The following TYSND1 variants were observed in gnomAD, a reference collection of about 807,000 sequenced individuals.
TYSND1 encodes the protein peroxisomal leader peptide-processing protease.
A neutral mutation model predicts 37.2 loss-of-function variants in TYSND1; 30 were observed. The ratio of observed to expected loss-of-function variants is 0.81; its 90% confidence interval spans 0.60 to 1.09. TYSND1 has a LOEUF of 1.09. TYSND1 is among the 50% of genes least tolerant of loss of function. TYSND1 has a pLI of 0.00. For missense variants in TYSND1, 806 were observed against 817.4 expected (o/e 0.99, Z 0.17); for synonymous variants, 364 against 383.8 (o/e 0.95, Z 0.60).
At chr10:70,142,880 C>T in intron 2 of TYSND1, 27 bp from the exon 3 acceptor site, 1 of 1,608,746 alleles carries the variant, frequency 6.2e-7, no homozygotes, top group Non-Finnish European at 8.5e-7. Context: ...GAGGGTGAAG[C>T]TGGGGACACC....
intron 1 of TYSND1, chr10:70,144,517 GGC>G: frequency 2.0e-6 from 2 of 987,768 alleles, no homozygotes; most frequent in South Asian, 9.3e-5. Flanking sequence ...CGACGTGACA[GGC>G]TCCGTTCCAC....
At chr10:70,145,146 CT>C (rs1589865927) in intron 1 of TYSND1, among the ~76,000 whole-genome samples, 1 of 152,142 alleles carries the variant, frequency 6.6e-6, no homozygotes, top group African/African-American at 2.4e-5. Context: ...GAAACTCAGC[CT>C]TTGAGGGGAG....
chr10:70,146,456 C>G lies in TYSND1; in HGVS notation c.131G>C (p.Gly44Ala). ...CSGVILSRSP[G>A]LVLCHGGIFV... ...GATGCCCCCGTGGCAAAGCACCAGGCCCGGGCTACGGCTCAGGATTACCCC... is the reference window on the plus strand; with the variant it reads ...GATGCCCCCGTGGCAAAGCACCAGGGCCGGGCTACGGCTCAGGATTACCCC... Residue 44 changes from glycine (G) to alanine (A), a missense_variant, in exon 1 of 4, where the codon GGC becomes GCC. By Grantham distance (60) the Gly-to-Ala change is moderately conservative (BLOSUM62 0). Around this residue, in one of 3 missense-constraint regions of TYSND1, gnomAD observed 84 missense variants for 79.0 expected, o/e 1.06. Coordinates refer to ENST00000287078, the MANE Select transcript of TYSND1 (RefSeq NM_173555.4). 1.9e-6 allele frequency: 3 copies of G among 1,603,948 alleles called. No individual in the cohort carries two copies. The highest frequency in any genetic ancestry group is 2.5e-6 in the Non-Finnish European group (3 of 1,178,752).
At chr10:70,140,298 CT>C (rs1489781026) in intron 3 of TYSND1, among the ~76,000 whole-genome samples, 157 bp from the exon 4 acceptor site, 2 of 152,188 alleles carry the variant, frequency 1.3e-5, no homozygotes, top group East Asian at 3.8e-4. Context: ...ACATGAACAC[CT>C]GCTGCCCACA....
chr10:70,145,644 G>T lies in TYSND1; in HGVS notation c.943C>A (p.His315Asn). The T allele has an allele frequency of 7.1e-7, 1 of 1,404,270 alleles. No homozygotes were observed. Among genetic ancestry groups the T allele is most frequent in the Admixed American group, 3.4e-5 (1 of 29,142 alleles). 87.0% of individuals were successfully genotyped at this position (1,404,270 alleles called of 1,614,324 possible). The change falls in exon 1 of 4, where the codon CAC becomes AAC. Residue 315 changes from histidine (H) to asparagine (N), a missense_variant. His to Asn is a moderately conservative substitution (Grantham distance 68, BLOSUM62 1). This residue lies in a region of TYSND1 where 708 missense variants were observed against 705.4 expected (regional missense o/e 1.00). Transcript: ENST00000287078. The stretch of plus-strand genomic sequence containing the variant: ...AGGGCGGCCAGGGCAGCGGTGCTGT[G>T]CGGCAGGCGGTGAAGCGCGTCGCGG... ...AARDALHRLP[H>N]STAALAALLP...
At chr10:70,144,704 C>A in intron 1 of TYSND1, 1 of 985,770 alleles carries the variant, frequency 1.0e-6, no homozygotes, top group Non-Finnish European at 1.2e-6. Flanking sequence ...GGGGGCCACA[C>A]ACCATAGGCA....
rs764220845 is a variant in TYSND1, at chr10:70,145,416, C to G, written c.1166+5G>C. On this transcript the variant is annotated splice_donor_5th_base_variant and intron_variant, in intron 1 of 3. Transcript: ENST00000287078. ...GATGAAGTGGCGTCAGCCCTGCGGG[C>G]TTACTTGGGGGTGGTGGAGCGCACC... 16 of 1,419,478 alleles carry G rather than the reference C, an allele frequency of 1.1e-5. No individual in the cohort carries two copies. Among genetic ancestry groups the G allele is most frequent in the Non-Finnish European group, 1.1e-5 (12 of 1,085,088 alleles). 87.9% of individuals were successfully genotyped at this position (1,419,478 alleles called of 1,614,324 possible).
intron 1 of TYSND1, 104 bp downstream of exon 1, chr10:70,145,317 C>T: frequency 9.0e-7 from 1 of 1,116,570 alleles, no homozygotes; most frequent in South Asian, 3.3e-5. Context: ...CCCAAAGCAT[C>T]CGCGTGACAC....
chr10:70,146,117 TC>T lies in TYSND1; in HGVS notation c.469del (p.Glu157AsnfsTer23), dbSNP rs771873606. The T allele has an allele frequency of 1.3e-6, 2 of 1,563,402 alleles. No homozygotes were observed. The highest frequency in any genetic ancestry group is 2.7e-5 in the African/African-American group (2 of 73,378). On this transcript the variant is annotated frameshift_variant, in exon 1 of 4. Transcript: ENST00000287078. LOFTEE classifies it high-confidence loss of function. ...FARLFGDEAAEQWRFSSAARD... is the reference protein window; with the variant it reads ...FARLFGDEAAXQWRFSSAARD... ...CGCCGCGCTCGAGAAGCGCCACTGT[TC>T]CGCTGCCTCGTCCCCGAAGAGGCGC...
Position 70,146,518 on chromosome 10 carries a change from C to A in TYSND1, c.69G>T (p.Arg23=), listed in dbSNP as rs1210706192. The A allele has an allele frequency of 3.1e-6, 5 of 1,588,480 alleles. No individual in the cohort carries two copies. The highest frequency in any genetic ancestry group is 4.3e-6 in the Non-Finnish European group (5 of 1,174,432). ...EQAGCMVSAS[R]AGQPEAGPWS... is the part of the protein sequence containing the mutation. ...ACGGGCCCGCCTCGGGCTGTCCGGC[C>A]CGGGAGGCGCTCACCATGCAGCCCG... The change falls in exon 1 of 4, where the codon CGG becomes CGT. Residue 23 remains arginine, a synonymous_variant. Coordinates refer to ENST00000287078, the MANE Select transcript of TYSND1 (RefSeq NM_173555.4).
chr10:70,145,909 G>T lies in TYSND1; in HGVS notation c.678C>A (p.Phe226Leu). ...GAAAGATGTCGGGGCAGAAGGCGCC[G>T]AAAGGGGAGCCGCAGACCAGCAATG... ...GAPLLVCGSP[F>L]GAFCPDIFLN... The change falls in exon 1 of 4, where the codon TTC (phenylalanine) becomes TTA (leucine). Residue 226 changes from phenylalanine (F) to leucine (L), a missense_variant. By Grantham distance (22) the Phe-to-Leu change is conservative (BLOSUM62 0). Around this residue, in one of 3 missense-constraint regions of TYSND1, gnomAD observed 708 missense variants for 705.4 expected, o/e 1.00. Transcript: ENST00000287078. 1 of 1,549,192 alleles carries T rather than the reference G, an allele frequency of 6.5e-7. No homozygotes were observed. Among genetic ancestry groups the T allele is most frequent in the Admixed American group, 2.0e-5 (1 of 51,034 alleles).
At chr10:70,143,777 C>A in intron 2 of TYSND1, 65 bp downstream of exon 2, 2 of 1,592,074 alleles carry the variant, frequency 1.3e-6, no homozygotes, top group South Asian at 2.3e-5. Flanking sequence ...AACACTGATT[C>A]TCCTTCCTGA....
intron 3 of TYSND1, among the ~76,000 whole-genome samples, chr10:70,142,387 A>T (rs1050672530): frequency 2.6e-5 from 4 of 151,920 alleles, no homozygotes; most frequent in Non-Finnish European, 5.9e-5. Flanking sequence ...TTGGCTTTTG[A>T]GTCTGTGACG....
chr10:70,143,773 G>C, intron 2 of TYSND1, 69 bp downstream of exon 2: 1 of 1,583,494 alleles, frequency 6.3e-7, no homozygotes, highest in Non-Finnish European at 8.6e-7. Context: ...GCCCAACACT[G>C]ATTCTCCTTC....
intron 3 of TYSND1, among the ~76,000 whole-genome samples, chr10:70,140,530 TGAATGAATG>T (rs2072751308): frequency 6.7e-6 from 1 of 149,932 alleles, no homozygotes; most frequent in Admixed American, 6.6e-5. Flanking sequence ...AATGAATGAA[TGAATGAATG>T]AATGAATGAA....
intron 1 of TYSND1, 30 bp downstream of exon 1, chr10:70,145,391 G>C: frequency 2.9e-6 from 4 of 1,383,246 alleles, no homozygotes; most frequent in Non-Finnish European, 3.8e-6. Flanking sequence ...CCTGGAAAGG[G>C]ATGAAGTGGC....
chr10:70,146,651 A>C lies in TYSND1; in HGVS notation c.-65T>G. On this transcript the variant is annotated 5_prime_UTR_variant, in exon 1 of 4. Coordinates refer to ENST00000287078, the MANE Select transcript of TYSND1 (RefSeq NM_173555.4). Reference sequence around the variant, plus strand: ...AGCAAGCTAGCGAGCGAGGACCCCTACCCGGTCCGGCTGAAGCTGCCTAGC... The same window carrying C: ...AGCAAGCTAGCGAGCGAGGACCCCTCCCCGGTCCGGCTGAAGCTGCCTAGC... The C allele has an allele frequency of 1.4e-6, 2 of 1,404,756 alleles. No homozygotes were observed. Among genetic ancestry groups the C allele is most frequent in the Non-Finnish European group, 1.9e-6 (2 of 1,078,798 alleles). 87.0% of individuals were successfully genotyped at this position (1,404,756 alleles called of 1,614,324 possible).
rs760241686 is a variant in TYSND1 at position 70,139,418 on chromosome 10, C to A, written c.*506G>T. ...GCAGGAGGCACTCCTGTTTCTGTCC[C>A]TTCTGTCTCTGGTCTTCAGAGCAAG... On this transcript the variant is annotated 3_prime_UTR_variant, in exon 4 of 4. Transcript: ENST00000287078. 30 of 153,432 alleles carry A rather than the reference C, an allele frequency of 2.0e-4. No individual in the cohort carries two copies. The highest frequency in any genetic ancestry group is 2.8e-4 in the Non-Finnish European group (19 of 68,634). 9.5% of individuals were successfully genotyped at this position (153,432 alleles called of 1,614,324 possible). A position where few individuals can be genotyped will look rare whatever the true frequency, so the allele number is the denominator to read the frequency against.
Position 70,139,825 on chromosome 10 carries a change from G to T in TYSND1, c.*99C>A. 1.6e-6 allele frequency: 2 copies of T among 1,238,372 alleles called. No homozygotes were observed. Among genetic ancestry groups the T allele is most frequent in the Non-Finnish European group, 1.1e-6 (1 of 889,158 alleles). 76.7% of individuals were successfully genotyped at this position (1,238,372 alleles called of 1,614,324 possible). The stretch of plus-strand genomic sequence containing the variant: ...GAGATGAGAGGCAGCCTGGGCCCCT[G>T]CAGGGGCTGGGCCCTGAATCCTGAG... On this transcript the variant is annotated 3_prime_UTR_variant, in exon 4 of 4. Transcript: ENST00000287078.
Sources: allele counts gnomAD v4.1 joint callset (sites outside exome capture counted in the v4.1 genomes callset), GRCh38; gene constraint gnomAD v4.1.1; regional missense constraint gnomAD v4.1.1; transcripts MANE v1.5; gene names NCBI Gene and HGNC (gene_info 2026-07-23, HGNC 2026-07-21).